CACNB4: variants seen among roughly 807,000 people sequenced by gnomAD.
CACNB4 encodes calcium voltage-gated channel auxiliary subunit beta 4, also known as voltage-dependent L-type calcium channel subunit beta-4.
Under a neutral mutation model 71.2 loss-of-function variants are expected in CACNB4, and 32 were observed. The observed-to-expected ratio is 0.45, with a 90% CI of 0.34 to 0.60. The LOEUF is 0.60. Among genes scored for constraint, CACNB4 ranks in the 20% least tolerant of loss-of-function variants. The pLI is 0.01. For missense variants in CACNB4, 464 were observed against 647.9 expected, an observed-to-expected ratio of 0.72 and a Z score of 3.08; for synonymous variants, 231 against 236.9, an observed-to-expected ratio of 0.97 and a Z score of 0.23.
At chr2:152,032,220 T>TC (rs754249453) in intron 2 of CACNB4, among the ~76,000 whole-genome samples, 3 of 151,992 alleles carry the variant, frequency 2.0e-5, no homozygotes, top group Non-Finnish European at 4.4e-5. Context: ...GGAATCCCCT[T>TC]CCCCCCGTCC....
intron 2 of CACNB4, among the ~76,000 whole-genome samples, chr2:151,907,525 A>G (rs1428387719): frequency 6.6e-6 from 1 of 152,228 alleles, no homozygotes; most frequent in Non-Finnish European, 1.5e-5. Flanking sequence ...ATAAATAAGA[A>G]AGTAACACTG....
intron 2 of CACNB4, among the ~76,000 whole-genome samples, chr2:151,917,834 C>CCAA: frequency 8.6e-6 from 1 of 116,222 alleles, no homozygotes; most frequent in South Asian, 3.1e-4. Flanking sequence ...GACACTGTCT[C>CCAA]AAAAAAAAAA....
intron 2 of CACNB4, among the ~76,000 whole-genome samples, chr2:152,096,128 C>T (rs541831724): frequency 2.2e-4 from 34 of 152,240 alleles, no homozygotes; most frequent in African/African-American, 7.9e-4. Context: ...ATACAGAAGT[C>T]TGTATGATGT....
intron 2 of CACNB4, among the ~76,000 whole-genome samples, chr2:152,057,919 C>T (rs953362768): frequency 1.3e-5 from 2 of 152,174 alleles, no homozygotes; most frequent in African/African-American, 2.4e-5. Context: ...CATCTTGAAT[C>T]GTAATCTGCA....
intron 2 of CACNB4, among the ~76,000 whole-genome samples, chr2:152,076,267 G>A (rs1233845527): frequency 2.8e-5 from 4 of 143,272 alleles, no homozygotes; most frequent in South Asian, 2.3e-4. Context: ...TCAGCCTCCC[G>A]AGTAGCTGAG....
At chr2:151,974,051 T>C (rs375361410) in intron 2 of CACNB4, 1 of 930,314 alleles carries the variant, frequency 1.1e-6, no homozygotes, top group Non-Finnish European at 1.3e-6. Flanking sequence ...CCTCGGAGAG[T>C]GGAGGGCGCC....
intron 2 of CACNB4, among the ~76,000 whole-genome samples, chr2:152,047,838 G>A (rs1685215813): frequency 6.6e-6 from 1 of 152,210 alleles, no homozygotes; most frequent in Non-Finnish European, 1.5e-5. Context: ...AGTGGAGGTT[G>A]CAGTGAGCTG....
intron 2 of CACNB4, among the ~76,000 whole-genome samples, chr2:151,997,358 C>G (rs1326558024): frequency 6.6e-6 from 1 of 152,062 alleles, no homozygotes; most frequent in Non-Finnish European, 1.5e-5. Context: ...CACGGTGAAA[C>G]CCCGTCTCTA....
At chr2:151,975,976 C>T (rs946796672) in intron 2 of CACNB4, among the ~76,000 whole-genome samples, 3 of 152,216 alleles carry the variant, frequency 2.0e-5, no homozygotes, top group Non-Finnish European at 2.9e-5. Context: ...GTACATAGCT[C>T]GGCTCTTCTG....
intron 2 of CACNB4, among the ~76,000 whole-genome samples, chr2:152,000,157 C>A (rs1682318102): frequency 6.6e-6 from 1 of 152,218 alleles, no homozygotes; most frequent in Admixed American, 6.5e-5. Flanking sequence ...CTTTCCTCCA[C>A]CACCCACCTC....
At chr2:152,035,708 T>C (rs1240945631) in intron 2 of CACNB4, among the ~76,000 whole-genome samples, 1 of 150,290 alleles carries the variant, frequency 6.7e-6, no homozygotes, top group Admixed American at 6.6e-5. Context: ...GGATTAAGAT[T>C]GTCCTTGTTA....
At chr2:151,974,268 A>G (rs1560101202) in intron 2 of CACNB4, among the ~76,000 whole-genome samples, 1 of 152,242 alleles carries the variant, frequency 6.6e-6, no homozygotes, top group Non-Finnish European at 1.5e-5. Flanking sequence ...AGAGAATATC[A>G]TGTAAAGACA....
At chr2:151,907,786 C>G (rs1386390728) in intron 2 of CACNB4, among the ~76,000 whole-genome samples, 1 of 152,202 alleles carries the variant, frequency 6.6e-6, no homozygotes, top group East Asian at 1.9e-4. Flanking sequence ...TTCCTGGTCT[C>G]AGCCAGGAAG....
intron 2 of CACNB4, 69 bp from the exon 3 acceptor site, chr2:151,883,439 C>T: frequency 6.5e-7 from 1 of 1,532,894 alleles, no homozygotes. Context: ...ATAACAGTAT[C>T]CTGGGGCGAG....
At chr2:152,061,948 G>A (rs943752738) in intron 2 of CACNB4, among the ~76,000 whole-genome samples, 1 of 151,518 alleles carries the variant, frequency 6.6e-6, no homozygotes, top group Non-Finnish European at 1.5e-5. Flanking sequence ...GGAGGCAGAG[G>A]TTGCAGTGAG....
intron 2 of CACNB4, among the ~76,000 whole-genome samples, chr2:151,928,507 T>C (rs542928345): frequency 4.6e-5 from 7 of 152,330 alleles, no homozygotes; most frequent in Non-Finnish European, 8.8e-5. Flanking sequence ...TACACCCTGA[T>C]TATATCTCAC....
intron 2 of CACNB4, among the ~76,000 whole-genome samples, chr2:151,999,942 A>G (rs1013049741): frequency 6.6e-6 from 1 of 152,222 alleles, no homozygotes; most frequent in Non-Finnish European, 1.5e-5. Flanking sequence ...AATCAAAGGA[A>G]TTTGAAAGCC....
At chr2:151,990,519 GCT>G (rs766491873) in intron 2 of CACNB4, among the ~76,000 whole-genome samples, 4 of 152,180 alleles carry the variant, frequency 2.6e-5, no homozygotes, top group African/African-American at 4.8e-5. Context: ...AACAATGTGA[GCT>G]CCAGGAGGAA....
At chr2:151,870,489 G>A in intron 8 of CACNB4, 42 bp downstream of exon 8, 1 of 1,507,882 alleles carries the variant, frequency 6.6e-7, no homozygotes, top group Non-Finnish European at 9.2e-7. Context: ...TGTCTCCTGG[G>A]TGCTCGATCA....
Sources: allele counts gnomAD v4.1 joint callset (sites outside exome capture counted in the v4.1 genomes callset), GRCh38; gene constraint gnomAD v4.1.1; transcripts MANE v1.5; gene names NCBI Gene and HGNC (gene_info 2026-07-23, HGNC 2026-07-21).